The following PRKCH variants were observed in gnomAD, a reference collection of about 807,000 sequenced individuals.
PRKCH encodes the protein protein kinase C eta type.
A neutral mutation model predicts 82.5 loss-of-function variants in PRKCH; 28 were observed. The ratio of observed to expected loss-of-function variants is 0.34; its 90% confidence interval spans 0.25 to 0.47. The LOEUF (loss-of-function observed/expected upper bound fraction) is 0.47, where lower values mean the gene tolerates loss of function less well. PRKCH is among the 20% of genes least tolerant of loss of function. PRKCH has a pLI of 1.00. For synonymous variants in PRKCH, 322 were observed against 327.4 expected (o/e 0.98, Z 0.18); for missense variants, 705 against 881.8 (o/e 0.80, Z 2.54).
At chr14:61,432,207 G>A (rs2140261418) in intron 2 of PRKCH, among the ~76,000 whole-genome samples, 1 of 151,572 alleles carries the variant, frequency 6.6e-6, no homozygotes, top group South Asian at 2.1e-4. Context: ...CTTTCCTCCT[G>A]GCTTATGTGC....
chr14:61,325,332 G>T (rs527921413), intron 1 of PRKCH, among the ~76,000 whole-genome samples: 22 of 152,314 alleles, frequency 1.4e-4, no homozygotes, highest in African/African-American at 5.1e-4. Context: ...ATGACCCACT[G>T]ATTTCTGATA....
chr14:61,352,679 A>AG lies in PRKCH; in HGVS notation c.363+30216dup, dbSNP rs1555378065. ...AAGAAAGAGAGAGAGAGAGAGAGAG[A>AG]GAAAGGAAAGGAAAGAAAGAAAGAA... is the stretch of plus-strand genomic sequence containing the variant. On this transcript the variant is annotated intron_variant, in intron 1 of 13. Transcript: ENST00000332981. Among the ~76,000 whole-genome samples the AG allele has an allele frequency of 7.6e-3, 920 of 120,706 alleles. 5 individuals carry two copies. Among genetic ancestry groups the AG allele is most frequent in the Middle Eastern group, 0.024 (6 of 250 alleles). The allele number at this position is 120,706 out of a possible 152,430, so 79.2% of individuals were successfully genotyped here.
chr14:61,405,370 A>T (rs1354612531), intron 2 of PRKCH, among the ~76,000 whole-genome samples: 2 of 137,348 alleles, frequency 1.5e-5, no homozygotes, highest in Non-Finnish European at 3.1e-5. Context: ...CGCAGCTGGA[A>T]TCTTCTGCTC....
At chr14:61,209,114 C>G (rs896902279) in intron 1 of PRKCH, among the ~76,000 whole-genome samples, 2 of 152,092 alleles carry the variant, frequency 1.3e-5, no homozygotes, top group Non-Finnish European at 2.9e-5. Context: ...TCCTCTTGCT[C>G]TCTCATGCTC....
chr14:61,358,904 G>C (rs1025996288), intron 1 of PRKCH, among the ~76,000 whole-genome samples: 4 of 152,048 alleles, frequency 2.6e-5, no homozygotes, highest in Non-Finnish European at 5.9e-5. Flanking sequence ...CTCATCCTGA[G>C]GACTCAGCTC....
chr14:61,320,515 C>A (rs2045601928), upstream of PRKCH, among the ~76,000 whole-genome samples: 1 of 152,210 alleles, frequency 6.6e-6, no homozygotes, highest in Non-Finnish European at 1.5e-5. Context: ...AGGTGAATCG[C>A]TCGAACCTGG....
intron 10 of PRKCH, among the ~76,000 whole-genome samples, chr14:61,496,407 G>A (rs1034000750): frequency 6.6e-6 from 1 of 152,166 alleles, no homozygotes; most frequent in Non-Finnish European, 1.5e-5. Flanking sequence ...ATCCATGCAG[G>A]TGCTGAGTTC....
intron 1 of PRKCH, among the ~76,000 whole-genome samples, chr14:61,282,270 C>CTT (rs10719485): frequency 3.1e-5 from 4 of 129,350 alleles, no homozygotes; most frequent in Admixed American, 7.7e-5. Context: ...GGGATTCTGG[C>CTT]TTTTTTTTTT....
chr14:61,400,942 T>G (rs1881583305), intron 2 of PRKCH, among the ~76,000 whole-genome samples: 2 of 152,070 alleles, frequency 1.3e-5, no homozygotes, highest in Non-Finnish European at 2.9e-5. Context: ...TTCTACACCA[T>G]CCAGCTATCT....
At chr14:61,248,990 C>T (rs61992910) in intron 1 of PRKCH, among the ~76,000 whole-genome samples, 8,740 of 152,042 alleles carry the variant, frequency 0.057, 340 homozygotes, top group East Asian at 0.15. Context: ...TCGGTAGCGA[C>T]GGGGTTTCGC....
At chr14:61,216,186 C>T (rs774652358) in intron 1 of PRKCH, among the ~76,000 whole-genome samples, 9 of 152,062 alleles carry the variant, frequency 5.9e-5, no homozygotes, top group African/African-American at 1.7e-4. Context: ...AAATTGGGGC[C>T]GGGCACAGTG....
chr14:61,455,254 A>G (rs1884709660), intron 7 of PRKCH, among the ~76,000 whole-genome samples: 1 of 148,282 alleles, frequency 6.7e-6, no homozygotes, highest in African/African-American at 2.5e-5. Context: ...GTTACCCAGG[A>G]TGGTCTCGAT....
intron 1 of PRKCH, among the ~76,000 whole-genome samples, chr14:61,374,094 A>T (rs1296898225): frequency 6.6e-6 from 1 of 152,152 alleles, no homozygotes; most frequent in Non-Finnish European, 1.5e-5. Flanking sequence ...GGCCAAAACA[A>T]TGGGGCTACA....
At chr14:61,294,660 T>C (rs1425820982) in intron 1 of PRKCH, among the ~76,000 whole-genome samples, 1 of 152,104 alleles carries the variant, frequency 6.6e-6, no homozygotes, top group Admixed American at 6.6e-5. Flanking sequence ...TTTACTGTCA[T>C]AATAAGATAT....
At chr14:61,421,845 G>T (rs777927700) in intron 2 of PRKCH, among the ~76,000 whole-genome samples, 4 of 152,176 alleles carry the variant, frequency 2.6e-5, no homozygotes, top group Non-Finnish European at 5.9e-5. Flanking sequence ...AGGGCACCAA[G>T]CCTTGACTTG....
At chr14:61,302,274 T>G (rs1470480004) in intron 1 of PRKCH, among the ~76,000 whole-genome samples, 1 of 152,210 alleles carries the variant, frequency 6.6e-6, no homozygotes, top group African/African-American at 2.4e-5. Context: ...GTGAAGCATA[T>G]AGCATTCTTG....
rs1273732948 is a variant in PRKCH, at chr14:61,382,867, A to G, written c.364-8358A>G. On this transcript the variant is annotated intron_variant, in intron 1 of 13. Transcript: ENST00000332981. ...ATTCTAATGGCTTTTGTGAAGGGAA[A>G]TGGTTGTAAATTATTACCAGTTAAT... 1.3e-5 allele frequency among the ~76,000 whole-genome samples: 2 copies of G among 152,232 alleles called. 1 individual carries two copies. Among genetic ancestry groups the G allele is most frequent in the Middle Eastern group, 6.3e-3 (2 of 316 alleles).
intron 1 of PRKCH, among the ~76,000 whole-genome samples, chr14:61,241,359 A>G (rs927771445): frequency 6.6e-6 from 1 of 152,186 alleles, no homozygotes; most frequent in African/African-American, 2.4e-5. Flanking sequence ...TTACATAGGC[A>G]TGATTGATTA....
rs535318085 is a variant in PRKCH at position 61,537,200 on chromosome 14, TGCTTGCCTCAAAA to T, written c.1761+6608_1761+6620del. Among the ~76,000 whole-genome samples, 350 of 152,348 alleles carry T rather than the reference TGCTTGCCTCAAAA, an allele frequency of 2.3e-3. 4 individuals carry two copies. The highest frequency in any genetic ancestry group is 6.8e-3 in the Admixed American group (104 of 15,300). On this transcript the variant is annotated intron_variant, in intron 12 of 13. Coordinates refer to ENST00000332981, the MANE Select transcript of PRKCH (RefSeq NM_006255.5). Reference sequence around the variant, plus strand: ...ATGTTTCTGCTCAATACTTAACGTGTGCTTGCCTCAAAAGCAGCCTGACCTGCGACTCGCAGAG... The same window carrying T: ...ATGTTTCTGCTCAATACTTAACGTGTGCAGCCTGACCTGCGACTCGCAGAG...
Sources: allele counts gnomAD v4.1 joint callset (sites outside exome capture counted in the v4.1 genomes callset), GRCh38; gene constraint gnomAD v4.1.1; transcripts MANE v1.5; gene names NCBI Gene and HGNC (gene_info 2026-07-23, HGNC 2026-07-21).